The following CLSTN1 variants were observed in gnomAD, a reference collection of about 807,000 sequenced individuals.
CLSTN1 encodes calsyntenin 1, also known as calsyntenin-1.
CLSTN1 carries 28 observed loss-of-function variants against 108.3 expected under a neutral mutation model. The observed-to-expected ratio is 0.26, with a 90% CI of 0.19 to 0.35. The LOEUF is 0.35. CLSTN1 is among the 10% of genes least tolerant of loss of function. The pLI, the probability that CLSTN1 is intolerant of heterozygous loss-of-function variation, is 1.00. For missense variants in CLSTN1, 1,157 were observed against 1,302.6 expected (o/e 0.89, Z 1.72); for synonymous variants, 524 against 534.9 (o/e 0.98, Z 0.28).
At chr1:9,796,278 C>T (rs142707287) in intron 1 of CLSTN1, among the ~76,000 whole-genome samples, 1 of 98,550 alleles carries the variant, frequency 1.0e-5, no homozygotes, top group African/African-American at 3.8e-5. Flanking sequence ...AAAAAAAAAA[C>T]AAAAAACAAA....
intron 1 of CLSTN1, among the ~76,000 whole-genome samples, chr1:9,808,850 G>A (rs1228698412): frequency 6.6e-6 from 1 of 151,816 alleles, no homozygotes; most frequent in African/African-American, 2.4e-5. Context: ...GTTTCCAAAC[G>A]ATAAGAGTAC....
chr1:9,774,017 C>T (rs1652819915), intron 1 of CLSTN1, among the ~76,000 whole-genome samples: 1 of 151,974 alleles, frequency 6.6e-6, no homozygotes, highest in African/African-American at 2.4e-5. Context: ...GTTGGGATTA[C>T]AGGCGTGAGC....
intron 1 of CLSTN1, among the ~76,000 whole-genome samples, chr1:9,815,157 A>T (rs980731679): frequency 1.3e-5 from 2 of 152,204 alleles, no homozygotes; most frequent in African/African-American, 2.4e-5. Context: ...TGGTAAAAAC[A>T]ACAGACTGTA....
Position 9,756,563 on chromosome 1 carries a change from G to A in CLSTN1, c.215-53C>T, listed in dbSNP as rs550962501. 53 of 1,469,360 alleles carry A rather than the reference G, an allele frequency of 3.6e-5. 1 individual carries two copies. The African/African-American group carries it at 4.9e-4, about 14-fold the overall frequency. 91.0% of individuals were successfully genotyped at this position (1,469,360 alleles called of 1,614,324 possible). On this transcript the variant is annotated intron_variant, in intron 2 of 18. Transcript: ENST00000377298. ...CAGTAATACAGGAAAGAATGAAGAT[G>A]GAATACACTAAGGAAAAAAGTCAAA...
chr1:9,756,951 TGTATTTTTA>T (rs1651844831), intron 2 of CLSTN1, among the ~76,000 whole-genome samples: 1 of 151,726 alleles, frequency 6.6e-6, no homozygotes, highest in South Asian at 2.1e-4. Flanking sequence ...GATAATTTTT[TGTATTTTTA>T]GTAGAGACAG....
At chr1:9,758,566 C>G (rs11804356) in intron 2 of CLSTN1, among the ~76,000 whole-genome samples, 1 of 150,934 alleles carries the variant, frequency 6.6e-6, no homozygotes, top group Non-Finnish European at 1.5e-5. Flanking sequence ...CGCCCGCCTC[C>G]GCCTCCCAAA....
intron 2 of CLSTN1, among the ~76,000 whole-genome samples, chr1:9,769,592 T>G (rs1298482550): frequency 6.6e-6 from 1 of 152,170 alleles, no homozygotes. Context: ...TCTGTAGTGG[T>G]AGCCAGGGCT....
intron 1 of CLSTN1, among the ~76,000 whole-genome samples, chr1:9,795,252 G>A (rs1653938860): frequency 6.7e-6 from 1 of 149,160 alleles, no homozygotes; most frequent in African/African-American, 2.5e-5. Context: ...TGCAACCTCT[G>A]CCTCCTGGGT....
chr1:9,787,512 T>G (rs968256849), intron 1 of CLSTN1, among the ~76,000 whole-genome samples: 1 of 149,870 alleles, frequency 6.7e-6, no homozygotes, highest in Non-Finnish European at 1.5e-5. Context: ...CACGCCATTC[T>G]CCTGCCTCAG....
chr1:9,740,352 G>A (rs553177105), intron 10 of CLSTN1, among the ~76,000 whole-genome samples: 3 of 152,190 alleles, frequency 2.0e-5, no homozygotes, highest in African/African-American at 7.2e-5. Context: ...GAGACACCGC[G>A]CCTGGCCCAC....
Position 9,755,154 on chromosome 1 carries a change from C to G in CLSTN1, c.400G>C (p.Gly134Arg). The change falls in exon 4 of 19, where the codon GGG becomes CGG. Residue 134 changes from glycine (G) to arginine (R), a missense_variant. By Grantham distance (125) the Gly-to-Arg change is moderately radical (BLOSUM62 -2). Transcript: ENST00000377298. Reference sequence around the variant, plus strand: ...ACGTTGGTGCCATCAGGTCCCTTCCCACAATCATAGGCCTGGATGGTGAAT... The same window carrying G: ...ACGTTGGTGCCATCAGGTCCCTTCCGACAATCATAGGCCTGGATGGTGAAT... ...YSFTIQAYDC[G>R]KGPDGTNVKK... 1 of 1,613,630 alleles carries G rather than the reference C, an allele frequency of 6.2e-7. No individual in the cohort carries two copies. Among genetic ancestry groups the G allele is most frequent in the Non-Finnish European group, 8.5e-7 (1 of 1,179,680 alleles).
chr1:9,731,666 C>A, intron 17 of CLSTN1, 95 bp downstream of exon 17: 2 of 1,256,168 alleles, frequency 1.6e-6, no homozygotes, highest in Non-Finnish European at 2.3e-6. Flanking sequence ...GAAAGACCGG[C>A]GGTCATGCTG....
intron 1 of CLSTN1, among the ~76,000 whole-genome samples, chr1:9,798,571 T>C (rs1045349612): frequency 5.3e-5 from 8 of 152,188 alleles, no homozygotes; most frequent in African/African-American, 1.9e-4. Context: ...CGATTAGTGG[T>C]TGCCAAGTGC....
chr1:9,736,937 G>A (rs530504919), intron 11 of CLSTN1, among the ~76,000 whole-genome samples: 137 of 152,222 alleles, frequency 9.0e-4, no homozygotes, highest in Middle Eastern at 3.4e-3. Flanking sequence ...GCTGGGCATG[G>A]TGGTGCATGC....
intron 1 of CLSTN1, among the ~76,000 whole-genome samples, chr1:9,802,165 A>T (rs1045875843): frequency 6.6e-6 from 1 of 152,202 alleles, no homozygotes; most frequent in Non-Finnish European, 1.5e-5. Context: ...TCAACAGTTT[A>T]GTTCAGAGTT....
intron 10 of CLSTN1, among the ~76,000 whole-genome samples, chr1:9,740,531 G>GT (rs1303789358): frequency 2.0e-5 from 3 of 152,176 alleles, no homozygotes; most frequent in African/African-American, 7.2e-5. Context: ...CTGCCACTTG[G>GT]TAAGTACAGG....
intron 1 of CLSTN1, among the ~76,000 whole-genome samples, chr1:9,799,666 G>A (rs950231279): frequency 2.7e-5 from 4 of 148,014 alleles, no homozygotes; most frequent in Non-Finnish European, 4.5e-5. Flanking sequence ...AAAAATGCCA[G>A]GCGCGGTGAC....
At position 9,729,818 on chromosome 1, in the gene CLSTN1, C is replaced by G. The variant is rs1650242670; in HGVS notation, c.*690G>C. On this transcript the variant is annotated 3_prime_UTR_variant, in exon 19 of 19. Coordinates refer to ENST00000377298, the MANE Select transcript of CLSTN1 (RefSeq NM_001009566.3). ...GCAGCACAGCTAGAGGCCTGTGGCC[C>G]CCGACTCCCAGCCATACTCAGACCT... 1 of 153,210 alleles carries G rather than the reference C, an allele frequency of 6.5e-6. No individual in the cohort carries two copies. The highest frequency in any genetic ancestry group is 6.5e-5 in the Admixed American group (1 of 15,440). 9.5% of individuals were successfully genotyped at this position (153,210 alleles called of 1,614,324 possible).
At chr1:9,789,956 G>GC (rs1459995804) in intron 1 of CLSTN1, among the ~76,000 whole-genome samples, 1 of 151,346 alleles carries the variant, frequency 6.6e-6, no homozygotes, top group Non-Finnish European at 1.5e-5. Context: ...TCCAGCCTGG[G>GC]CAACAGAGCA....
Sources: allele counts gnomAD v4.1 joint callset (sites outside exome capture counted in the v4.1 genomes callset), GRCh38; gene constraint gnomAD v4.1.1; transcripts MANE v1.5; gene names NCBI Gene and HGNC (gene_info 2026-07-23, HGNC 2026-07-21).